The following DAPP1 variants were observed in gnomAD, a reference collection of about 807,000 sequenced individuals.
DAPP1 encodes the protein dual adapter for phosphotyrosine and 3-phosphotyrosine and 3-phosphoinositide.
DAPP1 carries 20 observed loss-of-function variants against 41.5 expected under a neutral mutation model. The ratio of observed to expected loss-of-function variants is 0.48; its 90% CI spans 0.34 to 0.70. DAPP1 has a LOEUF of 0.70. Ranked by LOEUF, DAPP1 falls within the 30% of genes least tolerant of loss-of-function variation. The pLI, the probability that DAPP1 is intolerant of heterozygous loss-of-function variation, is 0.01. For synonymous variants in DAPP1, 113 were observed against 116.2 expected, an observed-to-expected ratio of 0.97 and a Z score of 0.18; for missense variants, 233 against 333.4, an observed-to-expected ratio of 0.70 and a Z score of 2.35.
At chr4:99,865,126 A>G (rs938396544) in intron 7 of DAPP1, 2 of 152,264 alleles carry the variant, frequency 1.3e-5, no homozygotes, top group African/African-American at 4.8e-5. Context: ...TCCAGGTATT[A>G]GCTTCTATGC....
chr4:99,833,863 G>A (rs1723204880), intron 1 of DAPP1, among the ~76,000 whole-genome samples: 2 of 152,176 alleles, frequency 1.3e-5, no homozygotes, highest in South Asian at 2.1e-4. Flanking sequence ...AGCAATTAAC[G>A]CATACTAAGC....
At chr4:99,855,870 A>G (rs1724027984) in intron 4 of DAPP1, among the ~76,000 whole-genome samples, 1 of 152,286 alleles carries the variant, frequency 6.6e-6, no homozygotes, top group Non-Finnish European at 1.5e-5. Context: ...TTTGGGGTGT[A>G]GTTCTTGCTC....
At chr4:99,850,405 G>T (rs537215446) in intron 3 of DAPP1, among the ~76,000 whole-genome samples, 2 of 150,958 alleles carry the variant, frequency 1.3e-5, no homozygotes, top group Non-Finnish European at 3.0e-5. Context: ...GCAAGACTCC[G>T]CCTCAAAAAA....
rs545312898 is a variant in DAPP1 at position 99,869,209 on chromosome 4, G to C, written c.*1024G>C. On this transcript the variant is annotated 3_prime_UTR_variant, in exon 9 of 9. Coordinates refer to ENST00000512369, the MANE Select transcript of DAPP1 (RefSeq NM_014395.3). ...GAGCAACTTCTATTTCCAGTCGGGG[G>C]AGTAACACTAAAGCTACAAGAAATA... 6.6e-6 allele frequency: 1 copy of C among 152,120 alleles called. No homozygotes were observed. The highest frequency in any genetic ancestry group is 1.5e-5 in the Non-Finnish European group (1 of 68,016). The allele number at this position is 152,120 out of a possible 1,614,324, so 9.4% of individuals were successfully genotyped here.
intron 1 of DAPP1, among the ~76,000 whole-genome samples, chr4:99,833,539 C>G (rs932036405): frequency 3.3e-5 from 5 of 152,200 alleles, no homozygotes; most frequent in Non-Finnish European, 1.5e-5. Flanking sequence ...CAGTGGATAT[C>G]AGTGTGGTTC....
At chr4:99,868,026 C>T in intron 8 of DAPP1, 91 bp from the exon 9 acceptor site, 1 of 1,104,442 alleles carries the variant, frequency 9.1e-7, no homozygotes, top group Non-Finnish European at 1.4e-6. Context: ...GACATCCTTA[C>T]TAATCAACAT....
chr4:99,831,785 C>T (rs1039549839), intron 1 of DAPP1, among the ~76,000 whole-genome samples: 3 of 152,246 alleles, frequency 2.0e-5, no homozygotes, highest in Admixed American at 6.5e-5. Flanking sequence ...TCATTATAAC[C>T]GATCTGGTGG....
intron 3 of DAPP1, among the ~76,000 whole-genome samples, chr4:99,843,044 C>A (rs1436348338): frequency 6.6e-6 from 1 of 152,154 alleles, no homozygotes; most frequent in East Asian, 1.9e-4. Context: ...CCTCCCAGGG[C>A]TCTCAACTTC....
intron 1 of DAPP1, among the ~76,000 whole-genome samples, chr4:99,822,976 C>A (rs1221236744): frequency 6.6e-6 from 1 of 152,062 alleles, no homozygotes; most frequent in East Asian, 1.9e-4. Flanking sequence ...TAGCACCTGC[C>A]CCCATTATCT....
intron 2 of DAPP1, among the ~76,000 whole-genome samples, chr4:99,839,488 T>C (rs531981860): frequency 1.2e-4 from 18 of 151,654 alleles, no homozygotes; most frequent in African/African-American, 4.1e-4. Context: ...TGTAGGAAAT[T>C]TGATATTTTA....
intron 1 of DAPP1, among the ~76,000 whole-genome samples, chr4:99,833,618 C>A (rs969282022): frequency 6.6e-6 from 1 of 152,192 alleles, no homozygotes; most frequent in African/African-American, 2.4e-5. Flanking sequence ...ATACACACCT[C>A]TTTAATAGCA....
intron 1 of DAPP1, among the ~76,000 whole-genome samples, chr4:99,827,419 G>A (rs1369743978): frequency 6.6e-6 from 1 of 151,850 alleles, no homozygotes; most frequent in African/African-American, 2.4e-5. Context: ...TGTAGTCCCA[G>A]CTACTCGGGA....
At chr4:99,857,254 G>A (rs148476344) in intron 4 of DAPP1, among the ~76,000 whole-genome samples, 276 of 152,302 alleles carry the variant, frequency 1.8e-3, no homozygotes, top group African/African-American at 6.1e-3. Flanking sequence ...GAGTAGCAGA[G>A]TCATGGCAGA....
At chr4:99,824,529 A>AT (rs558955651) in intron 1 of DAPP1, among the ~76,000 whole-genome samples, 188 of 152,090 alleles carry the variant, frequency 1.2e-3, no homozygotes, top group African/African-American at 4.3e-3. Flanking sequence ...ATCTGCCTGT[A>AT]TTTTTTTTAC....
At chr4:99,847,799 AGTTTGTTT>A (rs58645759) in intron 3 of DAPP1, among the ~76,000 whole-genome samples, 41,062 of 150,680 alleles carry the variant, frequency 0.27, 6,106 homozygotes, top group African/African-American at 0.39. Flanking sequence ...ACAGTAGATA[AGTTTGTTT>A]GTTTGTTTGT....
intron 1 of DAPP1, among the ~76,000 whole-genome samples, chr4:99,833,412 G>C (rs1469186285): frequency 6.6e-6 from 1 of 152,144 alleles, no homozygotes; most frequent in Non-Finnish European, 1.5e-5. Context: ...CATGCATTAG[G>C]AAATGCAGAT....
intron 6 of DAPP1, 22 bp from the exon 7 acceptor site, chr4:99,863,748 C>G: frequency 8.0e-7 from 1 of 1,249,508 alleles, no homozygotes; most frequent in Non-Finnish European, 1.1e-6. Flanking sequence ...TGGTGACATA[C>G]GTTGCTTTTT....
intron 4 of DAPP1, among the ~76,000 whole-genome samples, chr4:99,856,638 G>C (rs1560705497): frequency 6.6e-6 from 1 of 152,214 alleles, no homozygotes; most frequent in African/African-American, 2.4e-5. Flanking sequence ...TCATGCGTGA[G>C]TGTCAAGAGC....
At chr4:99,863,130 C>G in intron 6 of DAPP1, 58 bp downstream of exon 6, 2 of 1,094,022 alleles carry the variant, frequency 1.8e-6, no homozygotes, top group Non-Finnish European at 2.6e-6. Context: ...ATGAAAGAAA[C>G]TTAGGTCTTT....
Sources: gnomAD v4.1 joint callset for allele counts (sites outside exome capture counted in the v4.1 genomes callset) on GRCh38, gnomAD v4.1.1 for gene constraint, MANE v1.5 for transcripts, NCBI Gene and HGNC (gene_info 2026-07-23, HGNC 2026-07-21) for gene names.